The following TXLNG variants were observed in gnomAD, a reference collection of about 807,000 sequenced individuals.
TXLNG encodes the protein gamma-taxilin.
A neutral mutation model predicts 38.8 loss-of-function variants in TXLNG; 5 were observed. That is an observed-to-expected ratio of 0.13 (90% CI 0.07 to 0.27). TXLNG has a LOEUF of 0.27. Among genes scored for constraint, TXLNG ranks in the 10% least tolerant of loss-of-function variants. The pLI is 1.00. For missense variants in TXLNG, 393 were observed against 398.2 expected, an observed-to-expected ratio of 0.99 and a Z score of 0.11; for synonymous variants, 182 against 158.2, an observed-to-expected ratio of 1.15 and a Z score of -1.13.
At chrX:16,814,181 G>A (rs969042591) in intron 1 of TXLNG, among the ~76,000 whole-genome samples, 1 of 112,016 alleles carries the variant, frequency 8.9e-6, no homozygotes, top group African/African-American at 3.2e-5. Flanking sequence ...GCCAAAAATT[G>A]GAAATAACCC....
intron 1 of TXLNG, among the ~76,000 whole-genome samples, chrX:16,814,952 A>G (rs1233273905): frequency 8.9e-6 from 1 of 111,998 alleles, no homozygotes; most frequent in East Asian, 2.8e-4. Context: ...AAAAACTACA[A>G]ATGAACCAAT....
intron 1 of TXLNG, among the ~76,000 whole-genome samples, chrX:16,811,254 T>C (rs1602373417): frequency 8.9e-6 from 1 of 111,955 alleles, no homozygotes; most frequent in African/African-American, 3.2e-5. Context: ...AAAAGGAAAA[T>C]AGGTGATGTG....
Position 16,841,570 on chromosome X carries a change from C to T in TXLNG, c.1391C>T (p.Ala464Val). 8.3e-7 allele frequency: 1 copy of T among 1,211,593 alleles called. No homozygotes were observed. Among genetic ancestry groups the T allele is most frequent in the African/African-American group, 1.7e-5 (1 of 57,710 alleles). Residue 464 changes from alanine (A) to valine (V), a missense_variant, in exon 10 of 10, where the codon GCC (alanine) becomes GTC (valine). Physicochemically the swap from Ala to Val is moderately conservative, Grantham distance 64. Coordinates refer to ENST00000380122, the MANE Select transcript of TXLNG (RefSeq NM_018360.3). ...VLKEQVSIKA[A>V]IKAANRDLAT... ...AAAGAGCAGGTATCCATCAAAGCGG[C>T]CATCAAAGCGGCGAACAGGGATTTA...
rs182820507 is a variant in TXLNG at position 16,820,022 on chromosome X, G to A, written c.407-142G>A. On this transcript the variant is annotated intron_variant, in intron 2 of 9. Transcript: ENST00000380122. ...GAATTTAAAAATTGCCTTTTTCATTGAGCTGGTAAATCTCTTATTTATAAT... is the reference window on the plus strand; with the variant it reads ...GAATTTAAAAATTGCCTTTTTCATTAAGCTGGTAAATCTCTTATTTATAAT... 190 of 468,894 alleles carry A rather than the reference G, an allele frequency of 4.1e-4. 1 individual carries two copies. The African/African-American group carries it at 4.1e-3, about 10-fold the overall frequency. The allele number at this position is 468,894 out of a possible 1,213,427, so 38.6% of individuals were successfully genotyped here.
chrX:16,799,950 C>T (rs1928023835), intron 1 of TXLNG, among the ~76,000 whole-genome samples: 1 of 109,152 alleles, frequency 9.2e-6, no homozygotes, highest in Non-Finnish European at 1.9e-5. Context: ...ATCATCAAAT[C>T]TTTTTTTTTG....
chrX:16,821,016 G>T (rs930593440), intron 3 of TXLNG, among the ~76,000 whole-genome samples: 1 of 109,957 alleles, frequency 9.1e-6, no homozygotes, highest in Non-Finnish European at 1.9e-5. Flanking sequence ...TGATCTGCCC[G>T]CCTCGGCCTC....
chrX:16,823,716 A>G (rs1929068661), intron 3 of TXLNG, among the ~76,000 whole-genome samples: 1 of 111,407 alleles, frequency 9.0e-6, no homozygotes, highest in Non-Finnish European at 1.9e-5. Context: ...TGTGGCCAAC[A>G]TGTTCACCAG....
At chrX:16,829,215 C>T (rs1929284759) in intron 4 of TXLNG, among the ~76,000 whole-genome samples, 1 of 111,594 alleles carries the variant, frequency 9.0e-6, no homozygotes, top group Admixed American at 9.5e-5. Flanking sequence ...TTCCATTTGT[C>T]CTTTGCCCTT....
At chrX:16,836,949 C>A (rs1929616293) in intron 7 of TXLNG, among the ~76,000 whole-genome samples, 1 of 111,198 alleles carries the variant, frequency 9.0e-6, no homozygotes, top group African/African-American at 3.3e-5. Context: ...TATCCTGAGC[C>A]TCAGTGTGCC....
At chrX:16,789,332 G>A (rs1209051189) in intron 1 of TXLNG, among the ~76,000 whole-genome samples, 2 of 110,521 alleles carry the variant, frequency 1.8e-5, no homozygotes, top group African/African-American at 3.3e-5. Context: ...GTAACCTTTT[G>A]CTTCTAAAGG....
chrX:16,834,889 A>G (rs1929536265), intron 7 of TXLNG, among the ~76,000 whole-genome samples: 1 of 112,029 alleles, frequency 8.9e-6, no homozygotes, highest in African/African-American at 3.2e-5. Flanking sequence ...TAAAAACTAC[A>G]TATAGCTGGG....
chrX:16,809,590 C>T (rs1026500023), intron 1 of TXLNG, among the ~76,000 whole-genome samples: 6 of 110,147 alleles, frequency 5.4e-5, no homozygotes, highest in African/African-American at 9.9e-5. Flanking sequence ...TTTATCTGCC[C>T]GCCTCAGCCT....
At chrX:16,832,907 G>C (rs763220938) in intron 6 of TXLNG, among the ~76,000 whole-genome samples, 165 bp downstream of exon 6, 2 of 112,346 alleles carry the variant, frequency 1.8e-5, no homozygotes, top group East Asian at 5.6e-4. Context: ...ATTGAGAAGA[G>C]AGTATGTGGT....
intron 5 of TXLNG, among the ~76,000 whole-genome samples, chrX:16,831,301 T>C (rs1333596480): frequency 8.9e-6 from 1 of 112,139 alleles, no homozygotes; most frequent in Non-Finnish European, 1.9e-5. Flanking sequence ...GGTGAGGTGG[T>C]ACTCACCTGT....
chrX:16,828,546 A>G (rs1929259941), intron 4 of TXLNG, among the ~76,000 whole-genome samples: 1 of 112,024 alleles, frequency 8.9e-6, no homozygotes, highest in African/African-American at 3.2e-5. Flanking sequence ...GCCATGGCTT[A>G]GGAAGCTCAG....
intron 1 of TXLNG, among the ~76,000 whole-genome samples, chrX:16,788,667 GTTTTTT>G (rs10668899): frequency 1.2e-5 from 1 of 80,347 alleles, no homozygotes; most frequent in African/African-American, 4.7e-5. Flanking sequence ...AACTTGTTGT[GTTTTTT>G]TTTTTTTTTT....
chrX:16,787,384 T>G (rs1384616707), intron 1 of TXLNG, among the ~76,000 whole-genome samples: 1 of 111,809 alleles, frequency 8.9e-6, no homozygotes, highest in Admixed American at 9.4e-5. Context: ...TTCCCCTCTT[T>G]TTTTTCTTTC....
intron 9 of TXLNG, chrX:16,840,549 G>C: frequency 7.8e-6 from 4 of 513,915 alleles, no homozygotes; most frequent in Non-Finnish European, 9.5e-6. Context: ...CGACGCAGGC[G>C]GATCATGAGG....
rs150344687 is a variant in TXLNG, at chrX:16,832,000, A to T, written c.865-623A>T. 4.8e-3 allele frequency among the ~76,000 whole-genome samples: 542 copies of T among 112,236 alleles called. 3 individuals are homozygous for T. Among genetic ancestry groups the T allele is most frequent in the African/African-American group, 0.016 (508 of 30,915 alleles). On this transcript the variant is annotated intron_variant, in intron 5 of 9. Coordinates refer to ENST00000380122, the MANE Select transcript of TXLNG (RefSeq NM_018360.3). Reference sequence around the variant, plus strand: ...TGGAAATACTAATGAACTTTTACCAAATGTCTAAAGTGTGCCAGGCACCAA... The same window carrying T: ...TGGAAATACTAATGAACTTTTACCATATGTCTAAAGTGTGCCAGGCACCAA...
Sources: gnomAD v4.1 joint callset for allele counts (sites outside exome capture counted in the v4.1 genomes callset) on GRCh38, gnomAD v4.1.1 for gene constraint, MANE v1.5 for transcripts, NCBI Gene and HGNC (gene_info 2026-07-23, HGNC 2026-07-21) for gene names.